SELP: variants seen among roughly 807,000 people sequenced by gnomAD.
The protein encoded by SELP is selectin P.
Under a neutral mutation model 104.1 loss-of-function variants are expected in SELP, and 92 were observed. The ratio of observed to expected loss-of-function variants is 0.88; its 90% confidence interval spans 0.75 to 1.05. The LOEUF is 1.05. Ranked by LOEUF, SELP falls within the 50% of genes least tolerant of loss-of-function variation. SELP has a pLI of 0.00. For synonymous variants in SELP, 397 were observed against 364.5 expected (o/e 1.09, Z -1.01); for missense variants, 1,022 against 1,017.3 (o/e 1.00, Z -0.06).
intron 1 of SELP, among the ~76,000 whole-genome samples, chr1:169,628,391 T>C (rs1663480680): frequency 6.6e-6 from 1 of 152,254 alleles, no homozygotes; most frequent in Admixed American, 6.5e-5. Context: ...TTGAGGTTTC[T>C]GAATCTTTGG....
In SELP at chr1:169,612,199, C is replaced by T; in HGVS notation, c.961+18G>A. 1.2e-6 allele frequency: 2 copies of T among 1,611,744 alleles called. No homozygotes were observed. The highest frequency in any genetic ancestry group is 8.5e-7 in the Non-Finnish European group (1 of 1,178,808). On this transcript the variant is annotated intron_variant, in intron 6 of 16. Coordinates refer to ENST00000263686, the MANE Select transcript of SELP (RefSeq NM_003005.4). ...TGGGTGCAATGGACATTATACATCC[C>T]AACTACCTGAAACTCACCTTTACAC...
intron 6 of SELP, 129 bp downstream of exon 6, chr1:169,612,088 G>T: frequency 1.1e-6 from 1 of 870,544 alleles, no homozygotes. Flanking sequence ...CTAGCTGAAT[G>T]GCAGGTAGGA....
At position 169,609,729 on chromosome 1, in the gene SELP, G is replaced by A. The variant is rs60372938; in HGVS notation, c.1148-40C>T. 64 of 1,562,584 alleles carry A rather than the reference G, an allele frequency of 4.1e-5. No individual in the cohort carries two copies. In the African/African-American group the frequency reaches 6.7e-4, roughly 16 times the overall value. ...TATCTTCTAAAGCCAGGTAATGGAA[G>A]GGCCGGGTTCTTCCTCAGAAAAAAT... On this transcript the variant is annotated intron_variant, in intron 7 of 16. Coordinates refer to ENST00000263686, the MANE Select transcript of SELP (RefSeq NM_003005.4).
chr1:169,611,575 T>G lies in SELP; in HGVS notation c.1064A>C (p.Gln355Pro). The G allele has an allele frequency of 6.2e-7, 1 of 1,614,154 alleles. No homozygotes were observed. Residue 355 changes from glutamine to proline, a missense_variant, in exon 7 of 17, where the codon CAG becomes CCG. Coordinates refer to ENST00000263686, the MANE Select transcript of SELP (RefSeq NM_003005.4). ...CAAGCCCCTCACTCTGTAGCCGGGC[T>G]GGCACTCAAATTTACAGCTGGAGCC... ...AYGSSCKFEC[Q>P]PGYRVRGLDM...
chr1:169,607,259 A>T (rs904575027), intron 8 of SELP, 125 bp from the exon 9 acceptor site: 3 of 712,518 alleles, frequency 4.2e-6, no homozygotes, highest in Non-Finnish European at 6.2e-6. Context: ...AACATAGAAG[A>T]TAAGAAAAAG....
chr1:169,611,267 A>G (rs1662517699), intron 7 of SELP, among the ~76,000 whole-genome samples: 1 of 152,166 alleles, frequency 6.6e-6, no homozygotes. Flanking sequence ...GGTACTTTAT[A>G]CATGCTATTT....
Position 169,617,090 on chromosome 1 carries a change from G to GACT in SELP, c.418_419insAGT (p.Pro139_Ser140insTer). 4 of 1,613,942 alleles carry GACT rather than the reference G, an allele frequency of 2.5e-6. No homozygotes were observed. The highest frequency in any genetic ancestry group is 3.4e-6 in the Non-Finnish European group (4 of 1,179,978). On this transcript the variant is annotated stop_gained, in exon 3 of 17. Coordinates refer to ENST00000263686, the MANE Select transcript of SELP (RefSeq NM_003005.4). LOFTEE classifies it high-confidence loss of function. Reference sequence around the variant, plus strand: ...CTCATCATTCCACTTGCCAGGGGCTGACGGACTCTTGATGTATATCTCCAC... The same window carrying GACT: ...CTCATCATTCCACTTGCCAGGGGCTGACTACGGACTCTTGATGTATATCTCCAC...
intron 1 of SELP, among the ~76,000 whole-genome samples, chr1:169,624,281 A>G (rs377114437): frequency 6.6e-6 from 1 of 152,162 alleles, no homozygotes; most frequent in Non-Finnish European, 1.5e-5. Context: ...AAATACTAAA[A>G]CAAGAGGAAA....
chr1:169,613,718 G>C lies in SELP; in HGVS notation c.482-25C>G, dbSNP rs1230064889. 5 of 1,587,536 alleles carry C rather than the reference G, an allele frequency of 3.1e-6. No individual in the cohort carries two copies. The South Asian group carries it at 5.5e-5, about 18-fold the overall frequency. On this transcript the variant is annotated intron_variant, in intron 3 of 16. Coordinates refer to ENST00000263686, the MANE Select transcript of SELP (RefSeq NM_003005.4). ...GCTGCATAGATATGGAAAGGTCAGA[G>C]TCATGGACATTCACAGATGTGAGGA...
chr1:169,591,336 G>T, intron 15 of SELP, 90 bp downstream of exon 15: 1 of 775,086 alleles, frequency 1.3e-6, no homozygotes, highest in Non-Finnish European at 2.1e-6. Flanking sequence ...AAAGGAGGCA[G>T]GCATTGCATG....
chr1:169,620,949 C>CTGTGTG (rs57455285), intron 1 of SELP, among the ~76,000 whole-genome samples: 5,022 of 76,682 alleles, frequency 0.065, 209 homozygotes, highest in South Asian at 0.11. Flanking sequence ...GTGTGGGGTT[C>CTGTGTG]TGTGTGTGTG....
At chr1:169,601,062 T>A (rs932487814) in intron 10 of SELP, among the ~76,000 whole-genome samples, 2 of 152,220 alleles carry the variant, frequency 1.3e-5, no homozygotes, top group African/African-American at 4.8e-5. Context: ...GCCTACATGA[T>A]TTAAAATGTG....
At chr1:169,597,846 T>C (rs3917802) in intron 10 of SELP, among the ~76,000 whole-genome samples, 45,147 of 152,080 alleles carry the variant, frequency 0.3, 9,150 homozygotes, top group African/African-American at 0.58. Context: ...TTTCCACTTT[T>C]ATGGCGTAAA....
In SELP at chr1:169,612,946, T is replaced by A; in HGVS notation, c.758A>T (p.Lys253Met). 6.2e-7 allele frequency: 1 copy of A among 1,611,922 alleles called. No individual in the cohort carries two copies. Among genetic ancestry groups the A allele is most frequent in the Non-Finnish European group, 8.5e-7 (1 of 1,178,538 alleles). ...ECLASGIWTN[K>M]PPQCLAAQCP... ...CTACATACCTAAACACTGTGGAGGC[T>A]TATTTGTCCAGATTCCAGAAGCCAA... The change falls in exon 5 of 17, where the codon AAG (lysine) becomes ATG (methionine). Residue 253 changes from lysine (K) to methionine (M), a missense_variant. Coordinates refer to ENST00000263686, the MANE Select transcript of SELP (RefSeq NM_003005.4).
chr1:169,618,980 G>A (rs746698470), intron 2 of SELP, 149 bp downstream of exon 2: 99 of 595,634 alleles, frequency 1.7e-4, no homozygotes, highest in Non-Finnish European at 2.4e-4. Flanking sequence ...ATATGATGGC[G>A]TTGGGTACAT....
chr1:169,596,370 G>A (rs561302131), intron 11 of SELP, among the ~76,000 whole-genome samples: 1 of 152,334 alleles, frequency 6.6e-6, no homozygotes, highest in Non-Finnish European at 1.5e-5. Context: ...GAAGAAATCA[G>A]AGGAGTCATT....
intron 5 of SELP, 54 bp from the exon 6 acceptor site, chr1:169,612,456 A>C (rs952507695): frequency 6.4e-7 from 1 of 1,567,318 alleles, no homozygotes; most frequent in African/African-American, 1.4e-5. Flanking sequence ...TTTGTCCATC[A>C]CCTTGGAAGC....
chr1:169,597,105 T>C lies in SELP; in HGVS notation c.1777A>G (p.Asn593Asp). 1 of 1,613,340 alleles carries C rather than the reference T, an allele frequency of 6.2e-7. No individual in the cohort carries two copies. The change falls in exon 11 of 17, where the codon AAT becomes GAT. Residue 593 changes from asparagine to aspartate, a missense_variant. Physicochemically the swap from Asn to Asp is conservative, Grantham distance 23. Transcript: ENST00000263686. ...LDCSDTRGEF[N>D]VGSTCHFSCD... ...GAGAAATGGCAGGTGGAGCCAACAT[T>C]GAATTCTCCACGAGTGTCAGAACAA...
chr1:169,629,675 T>C (rs1320698797), intron 1 of SELP, among the ~76,000 whole-genome samples: 1 of 152,128 alleles, frequency 6.6e-6, no homozygotes, highest in Non-Finnish European at 1.5e-5. Context: ...CAGAGAGAAG[T>C]ACAGTCTTGG....
Sources: gnomAD v4.1 joint callset for allele counts (sites outside exome capture counted in the v4.1 genomes callset) on GRCh38, gnomAD v4.1.1 for gene constraint, MANE v1.5 for transcripts, NCBI Gene and HGNC (gene_info 2026-07-23, HGNC 2026-07-21) for gene names.